Variants in DIAPH2 observed in about 807,000 individuals in gnomAD.
The protein encoded by DIAPH2 is protein diaphanous homolog 2.
A neutral mutation model predicts 92.7 loss-of-function variants in DIAPH2; 35 were observed. The ratio of observed to expected loss-of-function variants is 0.38; its 90% CI spans 0.29 to 0.50. DIAPH2 has a LOEUF of 0.50. Among genes scored for constraint, DIAPH2 ranks in the 20% least tolerant of loss-of-function variants. The probability of loss-of-function intolerance (pLI) is 0.94; values close to 1 mark genes in which losing one functional copy is unlikely to be tolerated. For missense variants in DIAPH2, 701 were observed against 819.5 expected (o/e 0.86, Z 1.77); for synonymous variants, 301 against 280.4 (o/e 1.07, Z -0.73).
At position 97,072,108 on chromosome X, in the gene DIAPH2, C is replaced by T. The variant is rs1468733357; in HGVS notation, c.2051-833C>T. On this transcript the variant is annotated intron_variant, in intron 17 of 26. Transcript: ENST00000324765. ...AATGGTAGCTGTAAAATTTCTATAC[C>T]GGAGGGGTTTGGGGATTTAACTTAA... 4.5e-5 allele frequency among the ~76,000 whole-genome samples: 5 copies of T among 111,328 alleles called. 1 individual carries two copies. The highest frequency in any genetic ancestry group is 3.8e-4 in the South Asian group (1 of 2,656).
At chrX:97,323,797 G>T (rs2068925558) in intron 23 of DIAPH2, among the ~76,000 whole-genome samples, 1 of 105,325 alleles carries the variant, frequency 9.5e-6, no homozygotes, top group Admixed American at 1.0e-4. Flanking sequence ...CAGCTACTCA[G>T]GAGGCTGAGG....
intron 17 of DIAPH2, among the ~76,000 whole-genome samples, chrX:96,981,422 A>G (rs1438180785): frequency 1.8e-5 from 2 of 111,923 alleles, no homozygotes; most frequent in East Asian, 5.6e-4. Context: ...CTGAAATACA[A>G]TAATAATCAA....
At chrX:96,727,788 C>G (rs752381013) in intron 1 of DIAPH2, among the ~76,000 whole-genome samples, 1 of 111,375 alleles carries the variant, frequency 9.0e-6, no homozygotes, top group African/African-American at 3.3e-5. Flanking sequence ...AGAAGACAAC[C>G]TGTAATCCCA....
At chrX:96,773,237 T>C (rs201145508) in intron 4 of DIAPH2, among the ~76,000 whole-genome samples, 6,337 of 81,812 alleles carry the variant, frequency 0.077, 374 homozygotes, top group East Asian at 0.24. Context: ...CTGAATTGTT[T>C]CCCCCCCCCT....
At chrX:97,234,632 C>T (rs2068034827) in intron 22 of DIAPH2, among the ~76,000 whole-genome samples, 1 of 112,049 alleles carries the variant, frequency 8.9e-6, no homozygotes, top group Non-Finnish European at 1.9e-5. Flanking sequence ...AAACGATGGA[C>T]CTGGCTGTTT....
At chrX:97,315,804 A>G (rs1334395841) in intron 23 of DIAPH2, among the ~76,000 whole-genome samples, 2 of 110,704 alleles carry the variant, frequency 1.8e-5, no homozygotes, top group African/African-American at 3.3e-5. Flanking sequence ...TTGTTTCTCA[A>G]TTTTGATCTT....
intron 16 of DIAPH2, among the ~76,000 whole-genome samples, chrX:96,962,376 T>TAC (rs2065861692): frequency 1.5e-5 from 1 of 67,281 alleles, no homozygotes; most frequent in African/African-American, 6.1e-5. Flanking sequence ...CACATATATA[T>TAC]ATACACATAT....
At chrX:97,473,022 G>T (rs2070575523) in intron 26 of DIAPH2, among the ~76,000 whole-genome samples, 1 of 111,990 alleles carries the variant, frequency 8.9e-6, no homozygotes, top group Admixed American at 9.5e-5. Context: ...ACAACTAGTT[G>T]CTACATGAGT....
intron 4 of DIAPH2, among the ~76,000 whole-genome samples, chrX:96,876,031 A>G (rs755760679): frequency 1.7e-4 from 19 of 112,171 alleles, no homozygotes; most frequent in South Asian, 7.5e-4. Flanking sequence ...AAGGGCTAAT[A>G]TCCAGAATCT....
chrX:97,514,005 T>G (rs1358554597), intron 26 of DIAPH2, among the ~76,000 whole-genome samples: 76 of 106,260 alleles, frequency 7.2e-4, no homozygotes, highest in Middle Eastern at 9.4e-3. Context: ...TGCTCTTCTC[T>G]AGGAGAATCT....
intron 22 of DIAPH2, among the ~76,000 whole-genome samples, chrX:97,246,558 G>A (rs994962116): frequency 4.5e-5 from 5 of 111,997 alleles, no homozygotes; most frequent in African/African-American, 9.7e-5. Flanking sequence ...GTATATTTAA[G>A]GTGATTTCTC....
intron 9 of DIAPH2, among the ~76,000 whole-genome samples, chrX:96,924,828 G>A (rs1314089721): frequency 9.1e-6 from 1 of 110,377 alleles, no homozygotes; most frequent in African/African-American, 3.3e-5. Flanking sequence ...AGTATCACAA[G>A]AATAGCAAGG....
At chrX:96,959,276 T>A (rs2065832238) in intron 16 of DIAPH2, among the ~76,000 whole-genome samples, 1 of 111,871 alleles carries the variant, frequency 8.9e-6, no homozygotes, top group East Asian at 2.8e-4. Flanking sequence ...TTTCTCCACA[T>A]CTTTGCCAGC....
At chrX:96,849,326 C>T (rs750321398) in intron 4 of DIAPH2, among the ~76,000 whole-genome samples, 7 of 111,142 alleles carry the variant, frequency 6.3e-5, no homozygotes, top group South Asian at 7.7e-4. Flanking sequence ...CCACCACGCC[C>T]GGATAATTTT....
At chrX:96,693,984 A>G (rs749996116) in intron 1 of DIAPH2, among the ~76,000 whole-genome samples, 8 of 112,701 alleles carry the variant, frequency 7.1e-5, no homozygotes, top group African/African-American at 2.6e-4. Flanking sequence ...GCAGTGAGCC[A>G]AGATTGCACC....
At chrX:97,028,099 T>G (rs891834215) in intron 17 of DIAPH2, among the ~76,000 whole-genome samples, 2 of 112,090 alleles carry the variant, frequency 1.8e-5, no homozygotes, top group Admixed American at 9.4e-5. Flanking sequence ...GAAATAAGGA[T>G]GCCAAAATAT....
chrX:97,468,953 A>G, intron 26 of DIAPH2, among the ~76,000 whole-genome samples: 1 of 111,959 alleles, frequency 8.9e-6, no homozygotes, highest in South Asian at 3.8e-4. Flanking sequence ...ATTATCATCG[A>G]TAGAATGTGA....
chrX:97,012,890 A>G (rs1007645890), intron 17 of DIAPH2, among the ~76,000 whole-genome samples: 1 of 112,395 alleles, frequency 8.9e-6, no homozygotes, highest in African/African-American at 3.2e-5. Context: ...AACAGTGCAA[A>G]TAAACCATTT....
intron 21 of DIAPH2, among the ~76,000 whole-genome samples, chrX:97,128,039 G>A (rs1344878398): frequency 9.0e-6 from 1 of 111,015 alleles, no homozygotes; most frequent in Non-Finnish European, 1.9e-5. Flanking sequence ...CCAAGAGAGG[G>A]TTCTTGGATC....
Sources: gnomAD v4.1 joint callset for allele counts (sites outside exome capture counted in the v4.1 genomes callset) on GRCh38, gnomAD v4.1.1 for gene constraint, MANE v1.5 for transcripts, NCBI Gene and HGNC (gene_info 2026-07-23, HGNC 2026-07-21) for gene names.